PLEKHA5: variants seen among roughly 807,000 people sequenced by gnomAD.
PLEKHA5 encodes pleckstrin homology domain-containing family A member 5.
In PLEKHA5, 55 loss-of-function variants were observed where a neutral mutation model predicts 181.9. The observed-to-expected ratio is 0.30, with a 90% confidence interval of 0.24 to 0.38. The LOEUF (loss-of-function observed/expected upper bound fraction) is 0.38. PLEKHA5 is among the 10% of genes least tolerant of loss of function. PLEKHA5 has a pLI of 1.00. For synonymous variants in PLEKHA5, 535 were observed against 529.4 expected, an observed-to-expected ratio of 1.01 and a Z score of -0.15; for missense variants, 1,432 against 1,549.5, an observed-to-expected ratio of 0.92 and a Z score of 1.27.
In PLEKHA5 at chr12:19,202,069, TC is replaced by T. The variant is rs1029374632; in HGVS notation, c.228-51867del. The T allele has an allele frequency of 7.9e-5, 67 of 844,352 alleles. No homozygotes were observed. In the African/African-American group the frequency reaches 1.2e-3, roughly 15 times the overall value. The allele number at this position is 844,352 out of a possible 1,614,324, so 52.3% of individuals were successfully genotyped here. Reference sequence around the variant, plus strand: ...TCCCTTCACAGTTACTCCCCACTCTTCCCCTACCTTTTTCCATATTTCTTTA... The same window carrying T: ...TCCCTTCACAGTTACTCCCCACTCTTCCCTACCTTTTTCCATATTTCTTTA... On this transcript the variant is annotated intron_variant, in intron 3 of 31. Coordinates refer to ENST00000429027, the MANE Select transcript of PLEKHA5 (RefSeq NM_001256470.2).
At chr12:19,356,445 A>G (rs1207711128) in intron 26 of PLEKHA5, among the ~76,000 whole-genome samples, 2 of 152,106 alleles carry the variant, frequency 1.3e-5, no homozygotes, top group African/African-American at 2.4e-5. Flanking sequence ...ACTTGAGCCC[A>G]GGAGGTCGAG....
intron 28 of PLEKHA5, among the ~76,000 whole-genome samples, chr12:19,359,956 G>T (rs562549757): frequency 1.3e-5 from 2 of 151,250 alleles, no homozygotes; most frequent in African/African-American, 4.9e-5. Flanking sequence ...ACAGAGGGAG[G>T]GAGACTCCAT....
intron 28 of PLEKHA5, among the ~76,000 whole-genome samples, chr12:19,360,616 A>G (rs7485437): frequency 0.74 from 111,857 of 150,762 alleles, 44,864 homozygotes; most frequent in Non-Finnish European, 0.92. Context: ...AAAAAAAAGA[A>G]AAAAGAAAAA....
chr12:19,325,876 G>T (rs978439066), intron 20 of PLEKHA5, among the ~76,000 whole-genome samples: 1 of 128,456 alleles, frequency 7.8e-6, no homozygotes, highest in East Asian at 2.6e-4. Flanking sequence ...GCATGGTGGC[G>T]CATGCCTGTA....
chr12:19,306,338 C>A, intron 15 of PLEKHA5: 1 of 424,470 alleles, frequency 2.4e-6, no homozygotes, highest in South Asian at 1.9e-5. Flanking sequence ...GTGGGGGTGG[C>A]CGTTTGTTTT....
At chr12:19,294,340 A>G (rs2079220499) in intron 15 of PLEKHA5, among the ~76,000 whole-genome samples, 1 of 152,176 alleles carries the variant, frequency 6.6e-6, no homozygotes, top group Non-Finnish European at 1.5e-5. Flanking sequence ...CAGTAGCGTA[A>G]CATTTTAGAG....
At chr12:19,192,624 AC>A in intron 3 of PLEKHA5, among the ~76,000 whole-genome samples, 1 of 152,196 alleles carries the variant, frequency 6.6e-6, no homozygotes, top group Admixed American at 6.5e-5. Context: ...AATTGCTTGA[AC>A]CTGGGAGGTG....
intron 3 of PLEKHA5, among the ~76,000 whole-genome samples, chr12:19,230,198 C>A (rs1355130824): frequency 6.6e-6 from 1 of 152,092 alleles, no homozygotes; most frequent in Admixed American, 6.5e-5. Context: ...CATTTACAAA[C>A]CTTAAGCTAG....
At chr12:19,352,384 CA>C (rs200203166) in intron 25 of PLEKHA5, among the ~76,000 whole-genome samples, 153 of 124,118 alleles carry the variant, frequency 1.2e-3, no homozygotes, top group South Asian at 2.3e-3. Context: ...GACTCCATCT[CA>C]AAAAAAAAAA....
intron 3 of PLEKHA5, among the ~76,000 whole-genome samples, chr12:19,199,883 G>T (rs1294792400): frequency 6.6e-6 from 1 of 152,050 alleles, no homozygotes; most frequent in Non-Finnish European, 1.5e-5. Context: ...AGTGAAATAA[G>T]CCAGGCACAG....
At chr12:19,165,721 T>C (rs1303343215) in intron 3 of PLEKHA5, among the ~76,000 whole-genome samples, 1 of 152,170 alleles carries the variant, frequency 6.6e-6, no homozygotes, top group Non-Finnish European at 1.5e-5. Flanking sequence ...TTCCTACACT[T>C]AGTAGTTTGT....
rs766195026 is a variant in PLEKHA5, at chr12:19,348,485, A to T, written c.2985A>T (p.Glu995Asp). ...VDESNGEEKS[E>D]PVSEIETSVV... ...AATCTAATGGAGAAGAAAAATCAGA[A>T]CCTGTTTCAGAGATAGAAACTTCAG... Residue 995 changes from glutamate to aspartate, a missense_variant, in exon 25 of 32, where the codon GAA becomes GAT. This residue lies in a region of PLEKHA5 where 1,143 missense variants were observed against 1,168.4 expected (regional missense o/e 0.98). Coordinates refer to ENST00000429027, the MANE Select transcript of PLEKHA5 (RefSeq NM_001256470.2). The T allele has an allele frequency of 1.3e-6, 2 of 1,582,488 alleles. No homozygotes were observed. The highest frequency in any genetic ancestry group is 8.6e-7 in the Non-Finnish European group (1 of 1,169,584).
At chr12:19,372,342 CT>C (rs1277158203) in intron 31 of PLEKHA5, 1 of 150,944 alleles carries the variant, frequency 6.6e-6, no homozygotes, top group Non-Finnish European at 1.5e-5. Context: ...TGTGTACCTT[CT>C]TTTGAGAAAT....
intron 3 of PLEKHA5, among the ~76,000 whole-genome samples, chr12:19,157,211 G>A (rs1285810816): frequency 6.6e-6 from 1 of 151,512 alleles, no homozygotes; most frequent in African/African-American, 2.4e-5. Flanking sequence ...AAATTACAAA[G>A]AAAAAGTTTT....
intron 21 of PLEKHA5, among the ~76,000 whole-genome samples, chr12:19,341,514 C>T (rs1271036655): frequency 6.6e-6 from 1 of 151,720 alleles, no homozygotes; most frequent in African/African-American, 2.4e-5. Context: ...TCTGGGCTGT[C>T]GTTGTGTTTG....
At chr12:19,250,125 A>G (rs1295382056) in intron 3 of PLEKHA5, among the ~76,000 whole-genome samples, 2 of 152,176 alleles carry the variant, frequency 1.3e-5, no homozygotes, top group African/African-American at 4.8e-5. Context: ...GAAATCACCC[A>G]ATTGAGAACC....
At chr12:19,363,484 TTAACTAGCCTTC>T (rs1274581055) in intron 29 of PLEKHA5, among the ~76,000 whole-genome samples, 2 of 150,878 alleles carry the variant, frequency 1.3e-5, no homozygotes, top group Admixed American at 1.3e-4. Flanking sequence ...GCTATATTTC[TTAACTAGCCTTC>T]TTTTTTTTTT....
intron 31 of PLEKHA5, 133 bp from the exon 32 acceptor site, chr12:19,375,398 A>G (rs911593765): frequency 1.3e-5 from 2 of 152,084 alleles, no homozygotes. Context: ...CCTTTGATGT[A>G]TTGTATTTTA....
chr12:19,293,848 G>A (rs1363208918), intron 15 of PLEKHA5, among the ~76,000 whole-genome samples: 1 of 152,112 alleles, frequency 6.6e-6, no homozygotes, highest in East Asian at 1.9e-4. Context: ...CCTAGACCTC[G>A]TTGAGGTTCA....
Sources: gnomAD v4.1 joint callset for allele counts (sites outside exome capture counted in the v4.1 genomes callset) on GRCh38, gnomAD v4.1.1 for gene constraint, gnomAD v4.1.1 regional missense constraint, MANE v1.5 for transcripts, NCBI Gene and HGNC (gene_info 2026-07-23, HGNC 2026-07-21) for gene names.